Variants in SLC8A3 observed in about 807,000 individuals in gnomAD.
The protein encoded by SLC8A3 is solute carrier family 8 member A3.
SLC8A3 carries 37 observed loss-of-function variants against 65.4 expected under a neutral mutation model. That is an observed-to-expected ratio of 0.57 (90% CI 0.44 to 0.74). The LOEUF (loss-of-function observed/expected upper bound fraction) is 0.74, where lower values mean the gene tolerates loss of function less well. SLC8A3 is among the 30% of genes least tolerant of loss of function. SLC8A3 has a pLI of 0.00. For missense variants in SLC8A3, 1,112 were observed against 1,172.1 expected, an observed-to-expected ratio of 0.95 and a Z score of 0.75; for synonymous variants, 461 against 444.5, an observed-to-expected ratio of 1.04 and a Z score of -0.47.
intron 1 of SLC8A3, among the ~76,000 whole-genome samples, chr14:70,184,966 C>CTTTTTTTTTTTT (rs11337843): frequency 9.2e-6 from 1 of 108,646 alleles, no homozygotes. Context: ...TTTTTCTTTT[C>CTTTTTTTTTTTT]TTTTTTTTTT....
At chr14:70,150,235 A>C (rs1896184096) in intron 2 of SLC8A3, among the ~76,000 whole-genome samples, 1 of 152,254 alleles carries the variant, frequency 6.6e-6, no homozygotes, top group Non-Finnish European at 1.5e-5. Flanking sequence ...CAATCCTCAC[A>C]ATAACCCTAT....
chr14:70,110,917 T>G (rs777572627), intron 2 of SLC8A3, among the ~76,000 whole-genome samples: 1 of 151,952 alleles, frequency 6.6e-6, no homozygotes, highest in Non-Finnish European at 1.5e-5. Context: ...CCTGACCTCA[T>G]GATCTGCCTG....
At chr14:70,125,161 A>G (rs1894356253) in intron 2 of SLC8A3, among the ~76,000 whole-genome samples, 1 of 152,138 alleles carries the variant, frequency 6.6e-6, no homozygotes, top group Non-Finnish European at 1.5e-5. Flanking sequence ...AGCCCTAAGG[A>G]GCTTTTATTT....
At chr14:70,105,113 A>G (rs1594989732) in intron 2 of SLC8A3, among the ~76,000 whole-genome samples, 1 of 152,278 alleles carries the variant, frequency 6.6e-6, no homozygotes, top group Middle Eastern at 3.4e-3. Context: ...GTGGATCACA[A>G]GGTCAGGAGA....
At chr14:70,120,409 A>G (rs1399656172) in intron 2 of SLC8A3, among the ~76,000 whole-genome samples, 3 of 152,212 alleles carry the variant, frequency 2.0e-5, no homozygotes, top group Non-Finnish European at 2.9e-5. Context: ...TCCTACTTAC[A>G]CTAATCATCA....
chr14:70,184,325 C>A (rs1883005439), intron 1 of SLC8A3, among the ~76,000 whole-genome samples: 2 of 152,176 alleles, frequency 1.3e-5, no homozygotes, highest in African/African-American at 4.8e-5. Context: ...TTTCCTAACC[C>A]CGTGCTGGAA....
chr14:70,076,676 C>G (rs959735376), intron 2 of SLC8A3, among the ~76,000 whole-genome samples: 1 of 152,166 alleles, frequency 6.6e-6, no homozygotes, highest in South Asian at 2.1e-4. Context: ...GCTCCTGTTT[C>G]CCTTCCCAAA....
chr14:70,087,034 G>A (rs1347228393), intron 2 of SLC8A3, among the ~76,000 whole-genome samples: 2 of 152,200 alleles, frequency 1.3e-5, no homozygotes, highest in Admixed American at 1.3e-4. Context: ...TGCTGCTGAT[G>A]TCAGCTTCTA....
intron 2 of SLC8A3, among the ~76,000 whole-genome samples, chr14:70,066,376 G>A (rs1340076935): frequency 6.6e-6 from 1 of 152,094 alleles, no homozygotes. Context: ...TTCTGTCAAT[G>A]GCACCATCAT....
chr14:70,163,057 T>C (rs1367501864), intron 2 of SLC8A3, among the ~76,000 whole-genome samples: 3 of 152,212 alleles, frequency 2.0e-5, no homozygotes, highest in African/African-American at 7.2e-5. Context: ...AGCGCTGAAA[T>C]GTCAGCTTGT....
chr14:70,164,826 A>G (rs571297800), intron 2 of SLC8A3, among the ~76,000 whole-genome samples: 1 of 152,278 alleles, frequency 6.6e-6, no homozygotes, highest in African/African-American at 2.4e-5. Context: ...GTGAAATTCC[A>G]TGGAGTTTGT....
rs183823277 is a variant in SLC8A3 at position 70,097,200 on chromosome 14, A to C, written c.1785-36261T>G. On this transcript the variant is annotated intron_variant, in intron 2 of 6. Transcript: ENST00000356921. ...GGGAATATGGGAAGAAGGGCAATGC[A>C]ACAGAGTCAGAATGAAATTTGTGAA... Among the ~76,000 whole-genome samples the C allele has an allele frequency of 1.6e-3, 238 of 152,222 alleles. 1 individual carries two copies. Among genetic ancestry groups the C allele is most frequent in the Admixed American group, 2.6e-3 (40 of 15,286 alleles).
At chr14:70,080,799 C>T (rs911787535) in intron 2 of SLC8A3, among the ~76,000 whole-genome samples, 1 of 152,158 alleles carries the variant, frequency 6.6e-6, no homozygotes, top group Non-Finnish European at 1.5e-5. Context: ...AGGCTCCAAG[C>T]TGATGTAAAA....
chr14:70,095,331 G>A (rs1407562032), intron 2 of SLC8A3, among the ~76,000 whole-genome samples: 1 of 152,216 alleles, frequency 6.6e-6, no homozygotes, highest in Non-Finnish European at 1.5e-5. Flanking sequence ...GGACAAAGTA[G>A]AGAAACCACA....
At position 70,051,990 on chromosome 14, in the gene SLC8A3, C is replaced by G. The variant is rs1335328377; in HGVS notation, c.2013G>C (p.Lys671Asn). The change falls in exon 4 of 7, where the codon AAG becomes AAC. Residue 671 changes from lysine to asparagine, a missense_variant and splice_region_variant. Coordinates refer to ENST00000356921, the MANE Select transcript of SLC8A3 (RefSeq NM_182932.3). ...EVIIEESYEF[K>N]TTVDKLIKKT... ...AATTAGACCTCACTGTTTGCCTGAC[C>G]TTGAACTCATAGGACTCTTCAATGA... The G allele has an allele frequency of 6.2e-7, 1 of 1,612,878 alleles. No individual in the cohort carries two copies. The highest frequency in any genetic ancestry group is 2.2e-5 in the East Asian group (1 of 44,776).
intron 2 of SLC8A3, among the ~76,000 whole-genome samples, chr14:70,149,381 G>A (rs1221471546): frequency 2.0e-5 from 3 of 152,186 alleles, no homozygotes; most frequent in African/African-American, 7.2e-5. Context: ...GAGAGTCACG[G>A]GTCTTGCTCC....
chr14:70,168,085 G>A lies in SLC8A3; in HGVS notation c.338C>T (p.Thr113Ile). The A allele has an allele frequency of 1.2e-6, 2 of 1,614,062 alleles. No homozygotes were observed. The highest frequency in any genetic ancestry group is 1.7e-6 in the Non-Finnish European group (2 of 1,179,980). ...GGTTTCTCCATTGGGTTTCTTAATT[G>A]TCACCTCCCTCTCTTGAGAGGTGAT... ...EVITSQEREV[T>I]IKKPNGETST... Residue 113 changes from threonine (T) to isoleucine (I), a missense_variant, in exon 2 of 7, where the codon ACA (threonine) becomes ATA (isoleucine). Transcript: ENST00000356921.
chr14:70,164,781 C>T (rs1163665205), intron 2 of SLC8A3, among the ~76,000 whole-genome samples: 2 of 152,126 alleles, frequency 1.3e-5, no homozygotes, highest in Non-Finnish European at 2.9e-5. Flanking sequence ...AATGCCTTAC[C>T]ATATCTTCTT....
At chr14:70,051,691 G>T (rs986313808) in intron 4 of SLC8A3, among the ~76,000 whole-genome samples, 4 of 152,154 alleles carry the variant, frequency 2.6e-5, no homozygotes, top group African/African-American at 9.7e-5. Context: ...GTAGTAGTGA[G>T]TTTTAATATT....
Sources: gnomAD v4.1 joint callset for allele counts (sites outside exome capture counted in the v4.1 genomes callset) on GRCh38, gnomAD v4.1.1 for gene constraint, MANE v1.5 for transcripts, NCBI Gene and HGNC (gene_info 2026-07-23, HGNC 2026-07-21) for gene names.